Variants in GSTA5 observed in about 807,000 individuals in gnomAD.
GSTA5 encodes the protein glutathione S-transferase A5.
In GSTA5, 25 loss-of-function variants were observed where a neutral mutation model predicts 21.8. That is an observed-to-expected ratio of 1.14 (90% confidence interval 0.83 to 1.60). The LOEUF is 1.60. Among genes scored for constraint, GSTA5 ranks in the 40% most tolerant of loss-of-function variants. The probability of loss-of-function intolerance (pLI) is 0.00; values close to 1 mark genes in which losing one functional copy is unlikely to be tolerated. For synonymous variants in GSTA5, 102 were observed against 89.5 expected (o/e 1.14, Z -0.78); for missense variants, 330 against 259.2 (o/e 1.27, Z -1.88).
exon 6 of GSTA5, chr6:52,831,958 T>C (rs1260457051): frequency 1.9e-6 from 3 of 1,613,214 alleles, no homozygotes; most frequent in Non-Finnish European, 2.5e-6. Flanking sequence ...TTGCTGATTC[T>C]GGTTTTCAGG....
chr6:52,834,097 G>C (rs190142368), intron 4 of GSTA5, 44 bp downstream of exon 4: 1 of 1,610,970 alleles, frequency 6.2e-7, no homozygotes, highest in African/African-American at 1.3e-5. Context: ...TTTTCTACTG[G>C]TGTCTAAACT....
chr6:52,840,096 C>T (rs1181174821), intron 1 of GSTA5, among the ~76,000 whole-genome samples: 2 of 152,184 alleles, frequency 1.3e-5, no homozygotes, highest in Admixed American at 6.5e-5. Context: ...TTGCATTTTA[C>T]CTCTAACTAC....
At chr6:52,845,081 T>C (rs2127326429), upstream of GSTA5, among the ~76,000 whole-genome samples, 1 of 152,314 alleles carries the variant, frequency 6.6e-6, no homozygotes, top group South Asian at 2.1e-4. Flanking sequence ...AATTTTTATA[T>C]GAATCCAGAC....
intron 1 of GSTA5, among the ~76,000 whole-genome samples, chr6:52,839,306 C>T (rs1299889652): frequency 6.6e-6 from 1 of 152,166 alleles, no homozygotes; most frequent in Non-Finnish European, 1.5e-5. Context: ...ACCTGGGTTC[C>T]TCCCAGCCTT....
At chr6:52,834,141 T>A in exon 4 of GSTA5, 2 of 1,614,170 alleles carry the variant, frequency 1.2e-6, no homozygotes, top group Non-Finnish European at 1.7e-6. Context: ...CTTCACTTAC[T>A]TTTTCAAAGG....
chr6:52,832,037 G>A lies in GSTA5; in HGVS notation c.547-67C>T. Reference sequence around the variant, plus strand: ...GGCCACCATCATTAAGATGACCCAGGGAATGTGAGCCCCTCATGCCAAAGA... The same window carrying A: ...GGCCACCATCATTAAGATGACCCAGAGAATGTGAGCCCCTCATGCCAAAGA... On this transcript the variant is annotated intron_variant, in intron 5 of 5. Coordinates refer to ENST00000370989, the Ensembl canonical transcript of GSTA5. The A allele has an allele frequency of 3.2e-6, 5 of 1,555,272 alleles. No homozygotes were observed. In the South Asian group the frequency reaches 6.4e-5, roughly 20 times the overall value.
chr6:52,840,600 T>C (rs1375581980), intron 1 of GSTA5, 127 bp downstream of exon 1: 1 of 875,218 alleles, frequency 1.1e-6, no homozygotes, highest in Non-Finnish European at 1.8e-6. Flanking sequence ...CATCTTTTTC[T>C]TAATTACAGT....
At chr6:52,838,074 A>G (rs1764317724) in intron 1 of GSTA5, among the ~76,000 whole-genome samples, 1 of 152,250 alleles carries the variant, frequency 6.6e-6, no homozygotes, top group African/African-American at 2.4e-5. Flanking sequence ...CCCACTTTTC[A>G]GGAACCCTGC....
At chr6:52,841,320 A>G (rs1173285400), upstream of GSTA5, among the ~76,000 whole-genome samples, 1 of 152,208 alleles carries the variant, frequency 6.6e-6, no homozygotes, top group Non-Finnish European at 1.5e-5. Flanking sequence ...GAATATCTAC[A>G]CCAAGGACTA....
At chr6:52,832,941 C>G in exon 5 of GSTA5, 2 of 1,614,150 alleles carry the variant, frequency 1.2e-6, no homozygotes, top group Admixed American at 3.3e-5. Context: ...AATGTCAGCC[C>G]AGCTCAGCTT....
chr6:52,843,770 G>A (rs1028101219), upstream of GSTA5, among the ~76,000 whole-genome samples: 2 of 152,208 alleles, frequency 1.3e-5, no homozygotes, highest in African/African-American at 4.8e-5. Flanking sequence ...TTGTTTAATT[G>A]TTATGGACTA....
chr6:52,844,545 G>T (rs1464707534), upstream of GSTA5, among the ~76,000 whole-genome samples: 1 of 152,168 alleles, frequency 6.6e-6, no homozygotes, highest in Non-Finnish European at 1.5e-5. Flanking sequence ...TAAATTAAAA[G>T]AATTACATCT....
upstream of GSTA5, among the ~76,000 whole-genome samples, chr6:52,841,978 G>A (rs113860882): frequency 0.037 from 5,616 of 152,324 alleles, 131 homozygotes; most frequent in Middle Eastern, 0.075. Flanking sequence ...AGCATGACAT[G>A]TTGAAGGGTA....
upstream of GSTA5, among the ~76,000 whole-genome samples, chr6:52,845,042 A>G (rs1764434660): frequency 6.6e-6 from 1 of 151,952 alleles, no homozygotes; most frequent in South Asian, 2.1e-4. Flanking sequence ...AGATCTCTAT[A>G]TTTTGTCCAT....
At chr6:52,843,826 G>A (rs1421771262), upstream of GSTA5, among the ~76,000 whole-genome samples, 1 of 152,170 alleles carries the variant, frequency 6.6e-6, no homozygotes, top group East Asian at 1.9e-4. Context: ...AGCTCCCTTA[G>A]CCATTGATTG....
Position 52,840,714 on chromosome 6 carries a change from A to G in GSTA5, c.87+13T>C. ...TTTAAATCCAACTTAAGATGACCTT[A>G]CTCAGAACCTACCTCTACTCCAGCT... On this transcript the variant is annotated intron_variant, in intron 1 of 5. Transcript: ENST00000370989. The G allele has an allele frequency of 6.2e-7, 1 of 1,611,014 alleles. No individual in the cohort carries two copies. The highest frequency in any genetic ancestry group is 8.5e-7 in the Non-Finnish European group (1 of 1,177,368).
In GSTA5 at chr6:52,831,895, TG is replaced by T; in HGVS notation, c.621del (p.Met208TrpfsTer6). The T allele has an allele frequency of 1.2e-6, 2 of 1,613,940 alleles. No homozygotes were observed. Among genetic ancestry groups the T allele is most frequent in the East Asian group, 4.5e-5 (2 of 44,884 alleles). On this transcript the variant is annotated frameshift_variant, in exon 6 of 6. Transcript: ENST00000370989. LOFTEE classifies it low-confidence loss of function (END_TRUNC). ...GCTTCTTCTAAAGATTTCTCATCCATGGGAGGCTTTCTCTGGCTGCCAGGCT... is the reference window on the plus strand; with the variant it reads ...GCTTCTTCTAAAGATTTCTCATCCATGGAGGCTTTCTCTGGCTGCCAGGCT...
At chr6:52,834,037 A>C in intron 4 of GSTA5, 104 bp downstream of exon 4, 1 of 1,242,172 alleles carries the variant, frequency 8.1e-7, no homozygotes, top group East Asian at 2.3e-5. Context: ...GTGTTCATGA[A>C]GTCTCACTGA....
chr6:52,832,780 T>C, intron 5 of GSTA5, 79 bp downstream of exon 5: 3 of 1,601,562 alleles, frequency 1.9e-6, no homozygotes, highest in South Asian at 1.1e-5. Context: ...GGTCAAAACA[T>C]GGTCAGTCCC....
Sources: allele counts gnomAD v4.1 joint callset (sites outside exome capture counted in the v4.1 genomes callset), GRCh38; gene constraint gnomAD v4.1.1; transcripts MANE v1.5; gene names NCBI Gene and HGNC (gene_info 2026-07-23, HGNC 2026-07-21).